Variants in TENM3 observed in about 807,000 individuals in gnomAD.
TENM3 encodes teneurin-3.
TENM3 carries 63 observed loss-of-function variants against 255.1 expected under a neutral mutation model. The ratio of observed to expected loss-of-function variants is 0.25; its 90% CI spans 0.20 to 0.30. The LOEUF (loss-of-function observed/expected upper bound fraction) is 0.30, where lower values mean the gene tolerates loss of function less well. TENM3 is among the 10% of genes least tolerant of loss of function. The probability of loss-of-function intolerance (pLI) is 1.00; values close to 1 mark genes in which losing one functional copy is unlikely to be tolerated. For synonymous variants in TENM3, 1,306 were observed against 1,322.3 expected, an observed-to-expected ratio of 0.99 and a Z score of 0.27; for missense variants, 2,929 against 3,461.1, an observed-to-expected ratio of 0.85 and a Z score of 3.86.
At chr4:182,760,152 C>T (rs145127058) in intron 22 of TENM3, among the ~76,000 whole-genome samples, 67 of 152,254 alleles carry the variant, frequency 4.4e-4, no homozygotes, top group South Asian at 8.3e-4. Context: ...TATGAAGACA[C>T]TGTGTCTTCA....
At chr4:181,481,182 G>T in the TENM3 span, among the ~76,000 whole-genome samples, 5 of 150,642 alleles carry the variant, frequency 3.3e-5, no homozygotes, top group Admixed American at 2.0e-4. Flanking sequence ...TATTGCTTTT[G>T]CTCAAATATC....
In TENM3 at chr4:182,793,966, T is replaced by TA. The variant is rs1339797250; in HGVS notation, c.7213+87dup. On this transcript the variant is annotated intron_variant, in intron 26 of 27. Coordinates refer to ENST00000511685, the MANE Select transcript of TENM3 (RefSeq NM_001080477.4). This position sits in a 1 kb window ranked among gnomAD's most constrained non-coding sequence, Gnocchi z 5.7. ...CACAAAATAACTGGAAATGCTTTTT[T>TA]AAAAAACTTTATACTTTACTCAGGC... 21 of 1,301,426 alleles carry TA rather than the reference T, an allele frequency of 1.6e-5. No individual in the cohort carries two copies. Among genetic ancestry groups the TA allele is most frequent in the African/African-American group, 1.5e-5 (1 of 66,694 alleles). The allele number at this position is 1,301,426 out of a possible 1,614,324, so 80.6% of individuals were successfully genotyped here.
At chr4:182,761,899 A>T (rs1763231847) in intron 22 of TENM3, among the ~76,000 whole-genome samples, 1 of 152,156 alleles carries the variant, frequency 6.6e-6, no homozygotes, top group Non-Finnish European at 1.5e-5. Flanking sequence ...ATTTCCAGGG[A>T]CATCAATAAA....
At chr4:182,066,221 A>G in the TENM3 span, among the ~76,000 whole-genome samples, 2 of 152,024 alleles carry the variant, frequency 1.3e-5, no homozygotes, top group African/African-American at 4.8e-5. Flanking sequence ...TTTGGTTTTC[A>G]TTTGCATTTT....
the TENM3 span, among the ~76,000 whole-genome samples, chr4:181,479,607 AAC>A: frequency 5.3e-5 from 8 of 152,114 alleles, no homozygotes; most frequent in Non-Finnish European, 1.0e-4. Flanking sequence ...AATTTTAAAA[AAC>A]ACACACAGAG....
chr4:181,863,235 TC>T, the TENM3 span, among the ~76,000 whole-genome samples: 2 of 152,182 alleles, frequency 1.3e-5, no homozygotes, highest in South Asian at 2.1e-4. Flanking sequence ...CAGTGTTTGT[TC>T]CTTTGTCTTT....
chr4:182,046,620 C>A, the TENM3 span, among the ~76,000 whole-genome samples: 1 of 151,676 alleles, frequency 6.6e-6, no homozygotes, highest in Admixed American at 6.6e-5. Flanking sequence ...GACCTAGATA[C>A]TCGAGAGGCT....
intron 1 of TENM3, among the ~76,000 whole-genome samples, chr4:182,230,584 GGTCT>G (rs1253803959): frequency 1.3e-5 from 2 of 151,570 alleles, no homozygotes; most frequent in Non-Finnish European, 2.9e-5. Context: ...AAGGAAAGAT[GGTCT>G]GTGCCGAGCA....
In TENM3 at chr4:182,362,716, G is replaced by T. The variant is rs552568801; in HGVS notation, c.511+15787G>T. 2.0e-5 allele frequency among the ~76,000 whole-genome samples: 3 copies of T among 152,222 alleles called. No homozygotes were observed. In the South Asian group the frequency reaches 6.2e-4, roughly 32 times the overall value. On this transcript the variant is annotated intron_variant, in intron 3 of 27. Transcript: ENST00000511685. ...CTCGCCCTGCTTCGGCTCGCACACG[G>T]TGCACGCACCCACTGACCTGCGCCC...
chr4:182,328,354 T>C (rs550460885), intron 2 of TENM3, among the ~76,000 whole-genome samples: 1 of 152,024 alleles, frequency 6.6e-6, no homozygotes, highest in African/African-American at 2.4e-5. Flanking sequence ...TAGCTGGAAT[T>C]ATAGGCGCCT....
At chr4:181,457,051 A>G in the TENM3 span, among the ~76,000 whole-genome samples, 4 of 151,864 alleles carry the variant, frequency 2.6e-5, no homozygotes, top group Non-Finnish European at 5.9e-5. Flanking sequence ...CTCTAAAAGT[A>G]TTGGAGTTCC....
intron 4 of TENM3, among the ~76,000 whole-genome samples, chr4:182,603,490 G>A (rs1488223970): frequency 6.6e-6 from 1 of 151,972 alleles, no homozygotes; most frequent in East Asian, 1.9e-4. Flanking sequence ...ATTTCAACTT[G>A]CAGTACTCAG....
rs369130452 is a variant in TENM3, at chr4:182,269,182, C to T, written c.-76+25706C>T. On this transcript the variant is annotated intron_variant, in intron 1 of 27. Transcript: ENST00000511685. ...TGTGGGAGATTATCCATCCCTTTGA[C>T]GTGGGTGTAAATCTATGGCAGAGTT... 1.3e-4 allele frequency among the ~76,000 whole-genome samples: 20 copies of T among 152,160 alleles called. 1 individual carries two copies. In the East Asian group the frequency reaches 2.3e-3, roughly 18 times the overall value.
the TENM3 span, among the ~76,000 whole-genome samples, chr4:181,544,428 A>AAAAAC: frequency 6.8e-6 from 1 of 146,666 alleles, no homozygotes; most frequent in African/African-American, 2.6e-5. Context: ...AAAAAAAAAA[A>AAAAAC]AAAAAAAACT....
At chr4:182,059,695 G>T in the TENM3 span, among the ~76,000 whole-genome samples, 1 of 138,716 alleles carries the variant, frequency 7.2e-6, no homozygotes, top group Non-Finnish European at 1.5e-5. Context: ...GATTGCTTGA[G>T]CTCAGGAGTT....
rs374949960 is a variant in TENM3 at position 182,149,166 on chromosome 4, G to A, written c.-76+4412G>A. ...TCTGTAATGATAGATTCTTGGCATCGGATTGGTGTTTTTCCAGCTTAAGAC... is the reference window on the plus strand; with the variant it reads ...TCTGTAATGATAGATTCTTGGCATCAGATTGGTGTTTTTCCAGCTTAAGAC... On this transcript the variant is annotated intron_variant, in intron 1 of 2. Coordinates refer to the TENM3 transcript ENST00000512480. Among the ~76,000 whole-genome samples, 33 of 151,934 alleles carry A rather than the reference G, an allele frequency of 2.2e-4. No individual in the cohort carries two copies. In the East Asian group the frequency reaches 4.6e-3, roughly 21 times the overall value.
chr4:181,831,014 A>G, the TENM3 span, among the ~76,000 whole-genome samples: 9 of 152,198 alleles, frequency 5.9e-5, no homozygotes, highest in Non-Finnish European at 8.8e-5. Context: ...AAATAATCTT[A>G]TCATCTTAAA....
chr4:182,295,080 G>A (rs1761378612), intron 1 of TENM3, among the ~76,000 whole-genome samples: 1 of 151,660 alleles, frequency 6.6e-6, no homozygotes, highest in East Asian at 1.9e-4. Flanking sequence ...TGGATTAAGA[G>A]GATTATTTTA....
At chr4:181,648,088 T>C in the TENM3 span, among the ~76,000 whole-genome samples, 6 of 151,940 alleles carry the variant, frequency 3.9e-5, no homozygotes, top group African/African-American at 1.5e-4. Flanking sequence ...CACATTTAGG[T>C]GTATGATGGG....
Sources: gnomAD v4.1 joint callset for allele counts (sites outside exome capture counted in the v4.1 genomes callset) on GRCh38, gnomAD v4.1.1 for gene constraint, Gnocchi (gnomAD v3.1) non-coding constraint, MANE v1.5 for transcripts, NCBI Gene and HGNC (gene_info 2026-07-23, HGNC 2026-07-21) for gene names.